The following ANGPT1 variants were observed in gnomAD, a reference collection of about 807,000 sequenced individuals.
ANGPT1 encodes angiopoietin-1.
ANGPT1 carries 17 observed loss-of-function variants against 62.2 expected under a neutral mutation model. The observed-to-expected ratio is 0.27, with a 90% CI of 0.19 to 0.41. ANGPT1 has a LOEUF of 0.41. Ranked by LOEUF, ANGPT1 falls within the 10% of genes least tolerant of loss-of-function variation. The pLI, the probability that ANGPT1 is intolerant of heterozygous loss-of-function variation, is 1.00. For missense variants in ANGPT1, 478 were observed against 594.9 expected, an observed-to-expected ratio of 0.80 and a Z score of 2.04; for synonymous variants, 199 against 198.9, an observed-to-expected ratio of 1.00 and a Z score of 0.00.
chr8:107,487,130 G>C (rs1368081466), intron 1 of ANGPT1, among the ~76,000 whole-genome samples: 1 of 152,010 alleles, frequency 6.6e-6, no homozygotes, highest in Non-Finnish European at 1.5e-5. Flanking sequence ...TCCCAATAAA[G>C]GGACAGTCAC....
intron 7 of ANGPT1, among the ~76,000 whole-genome samples, chr8:107,282,460 G>A (rs893443609): frequency 4.8e-5 from 7 of 146,352 alleles, no homozygotes; most frequent in African/African-American, 1.8e-4. Flanking sequence ...GTGTGTGCGT[G>A]TGTACACATG....
At chr8:107,457,825 TACACACACACACACAC>T (rs148742634) in intron 1 of ANGPT1, among the ~76,000 whole-genome samples, 110 of 81,756 alleles carry the variant, frequency 1.3e-3, no homozygotes, top group Non-Finnish European at 2.3e-3. Context: ...ACATACCCAC[TACACACACACACACAC>T]ACACACACAC....
intron 1 of ANGPT1, among the ~76,000 whole-genome samples, chr8:107,431,302 G>A (rs965125755): frequency 2.6e-5 from 4 of 152,172 alleles, no homozygotes; most frequent in South Asian, 2.1e-4. Context: ...CACAGATTTT[G>A]GTTGGAAGTC....
chr8:107,455,595 T>C (rs940947070), intron 1 of ANGPT1, among the ~76,000 whole-genome samples: 7 of 152,094 alleles, frequency 4.6e-5, no homozygotes, highest in Non-Finnish European at 1.0e-4. Flanking sequence ...AACCAACTTA[T>C]GTTTTGAATT....
chr8:107,349,477 A>G (rs1424476530), intron 1 of ANGPT1, among the ~76,000 whole-genome samples: 1 of 152,196 alleles, frequency 6.6e-6, no homozygotes, highest in Admixed American at 6.5e-5. Context: ...GAGGTTATAC[A>G]TGAGTGTAAG....
chr8:107,461,753 T>C (rs1242777498), intron 1 of ANGPT1, among the ~76,000 whole-genome samples: 1 of 152,074 alleles, frequency 6.6e-6, no homozygotes, highest in African/African-American at 2.4e-5. Flanking sequence ...GCTTGAATAG[T>C]TCTATTTTAA....
At chr8:107,486,603 T>C (rs1563644905) in intron 1 of ANGPT1, among the ~76,000 whole-genome samples, 2 of 152,180 alleles carry the variant, frequency 1.3e-5, no homozygotes, top group African/African-American at 4.8e-5. Context: ...TTTATGTGTA[T>C]TATGCTTGCA....
intron 1 of ANGPT1, among the ~76,000 whole-genome samples, chr8:107,474,218 A>T (rs1276406074): frequency 6.6e-6 from 1 of 151,490 alleles, no homozygotes; most frequent in African/African-American, 2.4e-5. Flanking sequence ...ATCCAGCAAC[A>T]TCAAAAAGCT....
At chr8:107,264,646 G>A (rs994086868) in intron 7 of ANGPT1, among the ~76,000 whole-genome samples, 2 of 152,092 alleles carry the variant, frequency 1.3e-5, no homozygotes, top group Non-Finnish European at 2.9e-5. Context: ...AAACATAAAC[G>A]CTTTTTACAA....
chr8:107,449,948 G>A, intron 1 of ANGPT1, among the ~76,000 whole-genome samples: 1 of 152,024 alleles, frequency 6.6e-6, no homozygotes, highest in East Asian at 1.9e-4. Flanking sequence ...TACTTACAAA[G>A]CTTAGAAGCA....
intron 6 of ANGPT1, among the ~76,000 whole-genome samples, chr8:107,292,501 C>A (rs1423210288): frequency 2.0e-5 from 3 of 152,048 alleles, no homozygotes; most frequent in Non-Finnish European, 4.4e-5. Context: ...TCACCCTTAC[C>A]CTGTTTTCTC....
At chr8:107,264,639 C>T (rs1396236882) in intron 7 of ANGPT1, among the ~76,000 whole-genome samples, 1 of 152,118 alleles carries the variant, frequency 6.6e-6, no homozygotes, top group Non-Finnish European at 1.5e-5. Context: ...AACCTCTAAA[C>T]ATAAACGCTT....
chr8:107,413,963 T>C (rs986377980), intron 1 of ANGPT1, among the ~76,000 whole-genome samples: 1 of 152,002 alleles, frequency 6.6e-6, no homozygotes, highest in Non-Finnish European at 1.5e-5. Flanking sequence ...AAAGGAAACA[T>C]AGGAAGAAAA....
At chr8:107,315,089 G>C (rs1245538696) in intron 4 of ANGPT1, among the ~76,000 whole-genome samples, 1 of 152,084 alleles carries the variant, frequency 6.6e-6, no homozygotes, top group Non-Finnish European at 1.5e-5. Flanking sequence ...CCCCCTTTAA[G>C]AAGACTAGAG....
At chr8:107,370,176 G>GAAAGAAAGAAAGAAAGAAAGAAAGA (rs1291848259) in intron 1 of ANGPT1, among the ~76,000 whole-genome samples, 1 of 86,016 alleles carries the variant, frequency 1.2e-5, no homozygotes, top group Non-Finnish European at 2.3e-5. Flanking sequence ...AAGAGAGAAA[G>GAAAGAAAGAAAGAAAGAAAGAAAGA]AAGAAAGAAA....
intron 8 of ANGPT1, among the ~76,000 whole-genome samples, chr8:107,261,434 G>A (rs370157719): frequency 3.3e-5 from 5 of 152,220 alleles, no homozygotes; most frequent in South Asian, 2.1e-4. Flanking sequence ...AGCCGGGCAC[G>A]GTGGCTCACA....
chr8:107,369,161 T>C (rs1654704), intron 1 of ANGPT1, among the ~76,000 whole-genome samples: 113,282 of 152,026 alleles, frequency 0.75, 43,072 homozygotes, highest in East Asian at 0.87. Context: ...TCTGGATAAC[T>C]TGATGCAGTT....
Position 107,371,161 on chromosome 8 carries a change from G to A in ANGPT1, c.298-24064C>T, listed in dbSNP as rs547977738. Among the ~76,000 whole-genome samples, 291 of 152,202 alleles carry A rather than the reference G, an allele frequency of 1.9e-3. 1 individual carries two copies. The highest frequency in any genetic ancestry group is 6.8e-3 in the African/African-American group (284 of 41,524). ...TGTATGTGTTACATGGTAACTTTAA[G>A]GCTGGAAAAGGAAAAGGAAAAAGAG... On this transcript the variant is annotated intron_variant, in intron 1 of 8. Transcript: ENST00000517746.
chr8:107,324,472 G>A (rs1815238577), intron 3 of ANGPT1, among the ~76,000 whole-genome samples: 1 of 152,114 alleles, frequency 6.6e-6, no homozygotes, highest in African/African-American at 2.4e-5. Context: ...TGGCAGGTAG[G>A]AGAGAGGCCT....
Sources: gnomAD v4.1 joint callset for allele counts (sites outside exome capture counted in the v4.1 genomes callset) on GRCh38, gnomAD v4.1.1 for gene constraint, MANE v1.5 for transcripts, NCBI Gene and HGNC (gene_info 2026-07-23, HGNC 2026-07-21) for gene names.